Variants in NSUN6 observed in about 807,000 individuals in gnomAD.
NSUN6 encodes the protein NOP2/Sun RNA methyltransferase 6.
A neutral mutation model predicts 58.0 loss-of-function variants in NSUN6; 64 were observed. The observed-to-expected ratio is 1.10, with a 90% CI of 0.90 to 1.36. The LOEUF is 1.36. Among genes scored for constraint, NSUN6 ranks in the 40% most tolerant of loss-of-function variants. NSUN6 has a pLI of 0.00. For synonymous variants in NSUN6, 231 were observed against 193.9 expected, an observed-to-expected ratio of 1.19 and a Z score of -1.59; for missense variants, 701 against 550.1, an observed-to-expected ratio of 1.27 and a Z score of -2.74.
intron 10 of NSUN6, among the ~76,000 whole-genome samples, chr10:18,547,683 T>C (rs1384972117): frequency 6.6e-6 from 1 of 152,206 alleles, no homozygotes; most frequent in African/African-American, 2.4e-5. Context: ...AAATACTTTT[T>C]TCCCTTTCAG....
intron 2 of NSUN6, among the ~76,000 whole-genome samples, chr10:18,643,177 G>C (rs1447784342): frequency 2.6e-5 from 4 of 151,696 alleles, no homozygotes; most frequent in African/African-American, 9.7e-5. Flanking sequence ...TTATACCACA[G>C]AAATCAACAA....
At chr10:18,618,834 G>A (rs1482411279) in intron 3 of NSUN6, among the ~76,000 whole-genome samples, 2 of 150,874 alleles carry the variant, frequency 1.3e-5, no homozygotes, top group Non-Finnish European at 2.9e-5. Flanking sequence ...CTAATCTGCT[G>A]TTTAATTCAT....
At chr10:18,562,826 T>C (rs528740445) in intron 8 of NSUN6, among the ~76,000 whole-genome samples, 1 of 143,258 alleles carries the variant, frequency 7.0e-6, no homozygotes, top group Admixed American at 7.1e-5. Context: ...GAGGATGGAA[T>C]GGAATGAAAT....
At chr10:18,621,447 C>A (rs892041029) in intron 3 of NSUN6, among the ~76,000 whole-genome samples, 2 of 152,112 alleles carry the variant, frequency 1.3e-5, no homozygotes, top group Non-Finnish European at 2.9e-5. Flanking sequence ...CCATAGACAC[C>A]AGGACTGACA....
intron 8 of NSUN6, among the ~76,000 whole-genome samples, chr10:18,564,026 A>G (rs1357202291): frequency 1.4e-5 from 2 of 145,488 alleles, no homozygotes; most frequent in East Asian, 4.3e-4. Context: ...ATTCTCCATT[A>G]CATTTTACAT....
chr10:18,624,947 A>G (rs2691157), intron 3 of NSUN6, among the ~76,000 whole-genome samples: 28 of 152,232 alleles, frequency 1.8e-4, no homozygotes, highest in African/African-American at 6.0e-4. Flanking sequence ...GGAGTCTGGG[A>G]ATTTCGGTAC....
At chr10:18,598,988 A>G (rs1226343911) in intron 6 of NSUN6, among the ~76,000 whole-genome samples, 4 of 152,290 alleles carry the variant, frequency 2.6e-5, no homozygotes, top group African/African-American at 9.6e-5. Flanking sequence ...TAAGTGAAAA[A>G]ATATAAAACA....
chr10:18,586,555 C>T (rs61298471), intron 7 of NSUN6, among the ~76,000 whole-genome samples: 5,955 of 150,880 alleles, frequency 0.039, 373 homozygotes, highest in African/African-American at 0.13. Context: ...GGCAGACCTT[C>T]GCAGTGAGTG....
Position 18,586,047 on chromosome 10 carries a change from A to T in NSUN6, c.824T>A (p.Ile275Asn). Reference protein sequence around the residue: ...LDKIFNKVEKIKQNALLLGLN... With the variant: ...LDKIFNKVEKNKQNALLLGLN... ...CCCTAACAATAAGGCATTCTGTTTG[A>T]TTTTTTCTACTTTGTTGAAGATTTT... Residue 275 changes from isoleucine (I) to asparagine (N), a missense_variant, in exon 8 of 11, where the codon ATC becomes AAC. Physicochemically the swap from Ile to Asn is moderately radical, Grantham distance 149 (BLOSUM62 -3). Coordinates refer to ENST00000377304, the MANE Select transcript of NSUN6 (RefSeq NM_182543.5). 1 of 1,610,208 alleles carries T rather than the reference A, an allele frequency of 6.2e-7. No individual in the cohort carries two copies. The highest frequency in any genetic ancestry group is 8.5e-7 in the Non-Finnish European group (1 of 1,178,420).
rs554981971 is a variant in NSUN6 at position 18,613,063 on chromosome 10, C to T, written c.575+1397G>A. Reference sequence around the variant, plus strand: ...CTTCCACCGGAAGAGACAAAACTTCCAACAGTATAACTGAATAAATTGAGT... The same window carrying T: ...CTTCCACCGGAAGAGACAAAACTTCTAACAGTATAACTGAATAAATTGAGT... On this transcript the variant is annotated intron_variant, in intron 5 of 10. Transcript: ENST00000377304. Among the ~76,000 whole-genome samples the T allele has an allele frequency of 7.9e-5, 12 of 152,232 alleles. 1 individual carries two copies. In the South Asian group the frequency reaches 2.5e-3, roughly 32 times the overall value.
At chr10:18,632,717 C>A (rs928364335) in intron 3 of NSUN6, among the ~76,000 whole-genome samples, 1 of 152,170 alleles carries the variant, frequency 6.6e-6, no homozygotes, top group African/African-American at 2.4e-5. Flanking sequence ...TGCCATCTCA[C>A]ACCCGTTAGA....
At chr10:18,577,360 A>C (rs2056701206) in intron 8 of NSUN6, among the ~76,000 whole-genome samples, 1 of 152,160 alleles carries the variant, frequency 6.6e-6, no homozygotes, top group Non-Finnish European at 1.5e-5. Flanking sequence ...CCTTTTATAG[A>C]ATGGCTAGAA....
At chr10:18,577,193 G>T (rs1448950944) in intron 8 of NSUN6, among the ~76,000 whole-genome samples, 1 of 152,160 alleles carries the variant, frequency 6.6e-6, no homozygotes, top group Admixed American at 6.6e-5. Flanking sequence ...CCTTAGACAT[G>T]ATATTAGCAG....
At chr10:18,600,966 AT>A (rs1297100569) in intron 6 of NSUN6, among the ~76,000 whole-genome samples, 2 of 112,812 alleles carry the variant, frequency 1.8e-5, no homozygotes, top group Non-Finnish European at 3.5e-5. Context: ...ATATACATAT[AT>A]ATATATATAT....
rs530109463 is a variant in NSUN6 at position 18,612,832 on chromosome 10, G to A, written c.575+1628C>T. Reference sequence around the variant, plus strand: ...ATAATAATGCAAAGTACAAGATTGCGTATGTTAACACAGTCTGTTAGTAAA... The same window carrying A: ...ATAATAATGCAAAGTACAAGATTGCATATGTTAACACAGTCTGTTAGTAAA... On this transcript the variant is annotated intron_variant, in intron 5 of 10. Transcript: ENST00000377304. Among the ~76,000 whole-genome samples the A allele has an allele frequency of 7.2e-5, 11 of 152,258 alleles. No homozygotes were observed. The East Asian group carries it at 1.4e-3, about 19-fold the overall frequency.
chr10:18,652,946 C>T (rs2059735010), upstream of NSUN6: 1 of 984,172 alleles, frequency 1.0e-6, no homozygotes, highest in Non-Finnish European at 1.2e-6. Flanking sequence ...AGGATAAAGA[C>T]TAGTAATTTG....
rs1330620195 is a variant in NSUN6, at chr10:18,586,058, T to C, written c.813A>G (p.Lys271=). 2 of 1,609,066 alleles carry C rather than the reference T, an allele frequency of 1.2e-6. No homozygotes were observed. Among genetic ancestry groups the C allele is most frequent in the African/African-American group, 2.7e-5 (2 of 74,630 alleles). ...EVIALDKIFN[K]VEKIKQNALL... is the part of the protein sequence containing the mutation. ...AGGCATTCTGTTTGATTTTTTCTAC[T>C]TTGTTGAAGATTTTATCCAGTGCTA... Residue 271 remains lysine (K), a synonymous_variant, in exon 8 of 11, where the codon AAA becomes AAG. Coordinates refer to ENST00000377304, the MANE Select transcript of NSUN6 (RefSeq NM_182543.5).
intron 6 of NSUN6, among the ~76,000 whole-genome samples, chr10:18,606,533 C>T (rs1344898971): frequency 6.6e-6 from 1 of 152,120 alleles, no homozygotes; most frequent in Non-Finnish European, 1.5e-5. Context: ...ATATTCACAG[C>T]ATTTGGAGCT....
At chr10:18,632,678 G>A (rs1335244091) in intron 3 of NSUN6, among the ~76,000 whole-genome samples, 1 of 152,228 alleles carries the variant, frequency 6.6e-6, no homozygotes, top group Non-Finnish European at 1.5e-5. Context: ...CTGGCCATCA[G>A]AGAAATGCAA....
Sources: gnomAD v4.1 joint callset for allele counts (sites outside exome capture counted in the v4.1 genomes callset) on GRCh38, gnomAD v4.1.1 for gene constraint, MANE v1.5 for transcripts, NCBI Gene and HGNC (gene_info 2026-07-23, HGNC 2026-07-21) for gene names.